Variants in ANAPC10 observed in about 807,000 individuals in gnomAD.
ANAPC10 encodes anaphase promoting complex subunit 10, also known as anaphase-promoting complex subunit 10.
In ANAPC10, 12 loss-of-function variants were observed where a neutral mutation model predicts 22.0. The ratio of observed to expected loss-of-function variants is 0.55; its 90% CI spans 0.35 to 0.88. The LOEUF is 0.88. Ranked by LOEUF, ANAPC10 falls within the 40% of genes least tolerant of loss-of-function variation. The pLI, the probability that ANAPC10 is intolerant of heterozygous loss-of-function variation, is 0.01. For missense variants in ANAPC10, 188 were observed against 220.9 expected (o/e 0.85, Z 0.94); for synonymous variants, 65 against 69.5 (o/e 0.94, Z 0.32).
intron 4 of ANAPC10, among the ~76,000 whole-genome samples, chr4:145,012,176 GTA>G (rs111592959): frequency 8.0e-4 from 112 of 140,554 alleles, no homozygotes; most frequent in Non-Finnish European, 9.9e-4. Context: ...GTGTGTGTGT[GTA>G]TATATATATA....
At chr4:145,051,718 T>C (rs191269776) in intron 4 of ANAPC10, among the ~76,000 whole-genome samples, 100 of 152,242 alleles carry the variant, frequency 6.6e-4, no homozygotes, top group Non-Finnish European at 9.9e-4. Context: ...ACATAGTTAT[T>C]ATTGCATACA....
intron 4 of ANAPC10, among the ~76,000 whole-genome samples, chr4:144,999,850 C>G (rs1732236735): frequency 6.6e-6 from 1 of 152,156 alleles, no homozygotes; most frequent in South Asian, 2.1e-4. Context: ...GATACCAAAA[C>G]AGAGATATAG....
At chr4:145,068,842 G>T (rs1040408180) in intron 3 of ANAPC10, among the ~76,000 whole-genome samples, 3 of 152,192 alleles carry the variant, frequency 2.0e-5, no homozygotes, top group African/African-American at 7.2e-5. Context: ...CCCAGGAGGT[G>T]GAGGTTGCTG....
chr4:145,096,182 G>A (rs774743066), intron 1 of ANAPC10, 71 bp from the exon 2 acceptor site: 3 of 1,521,010 alleles, frequency 2.0e-6, no homozygotes, highest in Admixed American at 2.1e-5. Flanking sequence ...TTTTTACCAA[G>A]AAAAATTTAA....
At chr4:145,048,598 G>A (rs748170675) in intron 4 of ANAPC10, among the ~76,000 whole-genome samples, 38 of 152,078 alleles carry the variant, frequency 2.5e-4, no homozygotes, top group Non-Finnish European at 1.0e-4. Context: ...TGACAGCGCT[G>A]ACATATTTCT....
At chr4:145,002,845 T>G (rs1428212526) in intron 4 of ANAPC10, among the ~76,000 whole-genome samples, 3 of 152,146 alleles carry the variant, frequency 2.0e-5, no homozygotes, top group African/African-American at 7.2e-5. Context: ...TTATTTTTGT[T>G]GTAAAAGGCT....
intron 3 of ANAPC10, among the ~76,000 whole-genome samples, chr4:145,069,560 C>T (rs1744191786): frequency 2.0e-5 from 3 of 152,114 alleles, no homozygotes; most frequent in Admixed American, 1.3e-4. Context: ...AAGTCCTCTT[C>T]AAATACCTAA....
intron 4 of ANAPC10, among the ~76,000 whole-genome samples, chr4:145,016,545 C>T (rs1023251882): frequency 8.9e-4 from 135 of 152,254 alleles, no homozygotes; most frequent in Middle Eastern, 3.4e-3. Flanking sequence ...GCCATATTGC[C>T]CAAGGTAATT....
intron 4 of ANAPC10, among the ~76,000 whole-genome samples, chr4:145,055,163 A>G (rs1010570795): frequency 6.6e-6 from 1 of 152,228 alleles, no homozygotes; most frequent in African/African-American, 2.4e-5. Context: ...TACTATTCAC[A>G]TTAGGCAAGA....
At chr4:145,034,371 T>C (rs933118771) in intron 4 of ANAPC10, among the ~76,000 whole-genome samples, 6 of 151,974 alleles carry the variant, frequency 3.9e-5, no homozygotes, top group African/African-American at 9.7e-5. Flanking sequence ...AGCCTGCATC[T>C]TTCTCCTGAG....
intron 4 of ANAPC10, among the ~76,000 whole-genome samples, chr4:145,052,539 A>G (rs1309717359): frequency 1.3e-5 from 2 of 152,190 alleles, no homozygotes; most frequent in African/African-American, 2.4e-5. Flanking sequence ...GTTACTGGTT[A>G]TAAGTTTCAA....
At chr4:145,041,086 A>G (rs1739442231) in intron 4 of ANAPC10, among the ~76,000 whole-genome samples, 1 of 152,194 alleles carries the variant, frequency 6.6e-6, no homozygotes, top group Non-Finnish European at 1.5e-5. Flanking sequence ...TGTAGGATCT[A>G]TGACTTCTAG....
At position 145,053,598 on chromosome 4, in the gene ANAPC10, G is replaced by A. The variant is rs1326252780; in HGVS notation, c.327+10974C>T. 16 of 421,552 alleles carry A rather than the reference G, an allele frequency of 3.8e-5. No individual in the cohort carries two copies. In the South Asian group the frequency reaches 1.0e-3, roughly 26 times the overall value. 26.1% of individuals were successfully genotyped at this position (421,552 alleles called of 1,614,324 possible). ...TCAACTATAATTTCAAATACAAGAG[G>A]AAAGATTCCCAAATATCTACAAATC... On this transcript the variant is annotated intron_variant, in intron 4 of 4. Coordinates refer to ENST00000507656, the MANE Select transcript of ANAPC10 (RefSeq NM_001256706.2).
chr4:145,079,394 T>C (rs1459262678), intron 3 of ANAPC10, among the ~76,000 whole-genome samples: 1 of 152,084 alleles, frequency 6.6e-6, no homozygotes, highest in Non-Finnish European at 1.5e-5. Context: ...GCTGGTGAAG[T>C]TGTGAAAAAA....
chr4:145,067,328 C>A (rs921016351), intron 3 of ANAPC10, among the ~76,000 whole-genome samples: 1 of 152,086 alleles, frequency 6.6e-6, no homozygotes, highest in Admixed American at 6.6e-5. Context: ...ATACGCCAGG[C>A]ATCGTGCTAT....
intron 2 of ANAPC10, among the ~76,000 whole-genome samples, 197 bp downstream of exon 2, chr4:145,095,788 T>A (rs1009650539): frequency 6.6e-6 from 1 of 152,226 alleles, no homozygotes; most frequent in Non-Finnish European, 1.5e-5. Flanking sequence ...TGTGCCTAAT[T>A]TATAAATTAC....
intron 4 of ANAPC10, among the ~76,000 whole-genome samples, chr4:144,999,747 C>T (rs1186897231): frequency 6.6e-6 from 1 of 152,258 alleles, no homozygotes; most frequent in East Asian, 1.9e-4. Flanking sequence ...ATTGCCAAGA[C>T]AATCCTACGC....
intron 2 of ANAPC10, among the ~76,000 whole-genome samples, chr4:145,089,818 C>T (rs867724359): frequency 2.4e-4 from 37 of 152,208 alleles, no homozygotes; most frequent in African/African-American, 4.3e-4. Flanking sequence ...TGATTTATCG[C>T]GTCTCCTGAT....
chr4:145,064,388 T>G (rs1743365183), intron 4 of ANAPC10, 184 bp downstream of exon 4: 1 of 409,770 alleles, frequency 2.4e-6, no homozygotes, highest in Admixed American at 4.4e-5. Context: ...TAAAATATTG[T>G]GGAAAAAATA....
Sources: gnomAD v4.1 joint callset for allele counts (sites outside exome capture counted in the v4.1 genomes callset) on GRCh38, gnomAD v4.1.1 for gene constraint, MANE v1.5 for transcripts, NCBI Gene and HGNC (gene_info 2026-07-23, HGNC 2026-07-21) for gene names.